The following VRK2 variants were observed in gnomAD, a reference collection of about 807,000 sequenced individuals.
VRK2 encodes VRK serine/threonine kinase 2, also known as serine/threonine-protein kinase VRK2.
In VRK2, 60 loss-of-function variants were observed where a neutral mutation model predicts 57.6. The observed-to-expected ratio is 1.04, with a 90% CI of 0.85 to 1.29. The LOEUF is 1.29. VRK2 is among the 50% of genes most tolerant of loss of function. The pLI is 0.00. For synonymous variants in VRK2, 231 were observed against 199.2 expected (o/e 1.16, Z -1.35); for missense variants, 705 against 588.1 (o/e 1.20, Z -2.06).
At chr2:57,991,742 T>A (rs1672772963) in intron 1 of VRK2, among the ~76,000 whole-genome samples, 2 of 149,416 alleles carry the variant, frequency 1.3e-5, no homozygotes, top group South Asian at 4.2e-4. Context: ...GAGGTCTAGA[T>A]CGAGACTATC....
chr2:58,065,460 G>GT (rs1310959231), intron 2 of VRK2, among the ~76,000 whole-genome samples: 1 of 152,040 alleles, frequency 6.6e-6, no homozygotes, highest in Non-Finnish European at 1.5e-5. Context: ...TGTGTCAGCA[G>GT]TTTTTTATTG....
chr2:58,156,947 T>C (rs1216309201), intron 12 of VRK2, among the ~76,000 whole-genome samples: 8 of 152,206 alleles, frequency 5.3e-5, no homozygotes. Context: ...GTCTTTAGAC[T>C]CCAGATTTTA....
intron 4 of VRK2, among the ~76,000 whole-genome samples, chr2:58,085,416 G>C (rs1011919365): frequency 1.3e-5 from 2 of 151,972 alleles, no homozygotes; most frequent in African/African-American, 4.8e-5. Flanking sequence ...GAAAATGTTA[G>C]AAACTTGAAT....
At chr2:58,157,242 A>C (rs1365332049) in intron 12 of VRK2, among the ~76,000 whole-genome samples, 4 of 152,050 alleles carry the variant, frequency 2.6e-5, no homozygotes, top group Non-Finnish European at 1.5e-5. Flanking sequence ...GCCAGAGTGG[A>C]AGTAGTGTTG....
intron 10 of VRK2, among the ~76,000 whole-genome samples, chr2:58,137,104 TATAA>T (rs1238976721): frequency 2.5e-4 from 29 of 115,364 alleles, no homozygotes; most frequent in Non-Finnish European, 3.3e-4. Flanking sequence ...ATATCATATA[TATAA>T]CATATATCAT....
chr2:58,091,111 A>C (rs1672313659), intron 7 of VRK2, among the ~76,000 whole-genome samples: 1 of 152,194 alleles, frequency 6.6e-6, no homozygotes, highest in African/African-American at 2.4e-5. Flanking sequence ...CAGTGAAACT[A>C]TTCTGCATGA....
intron 1 of VRK2, among the ~76,000 whole-genome samples, chr2:57,909,258 A>T (rs1180301704): frequency 6.6e-6 from 1 of 152,210 alleles, no homozygotes; most frequent in Non-Finnish European, 1.5e-5. Context: ...AACTATCACC[A>T]GTCCAATATT....
intron 1 of VRK2, among the ~76,000 whole-genome samples, chr2:57,974,226 T>A (rs1672178836): frequency 6.6e-6 from 1 of 151,950 alleles, no homozygotes; most frequent in East Asian, 1.9e-4. Context: ...AAAGAAAAAC[T>A]GATAAAGCTT....
In VRK2 at chr2:58,117,340, G is replaced by A. The variant is rs561533379; in HGVS notation, c.544-5761G>A. ...TAAATTGCTGGGCAGGTTGGGGAGG[G>A]CTAGTCACAGAAGGAAACTGTAAGC... is the stretch of plus-strand genomic sequence containing the variant. On this transcript the variant is annotated intron_variant, in intron 7 of 12. Coordinates refer to ENST00000340157, the MANE Select transcript of VRK2 (RefSeq NM_006296.7). Among the ~76,000 whole-genome samples, 3 of 152,218 alleles carry A rather than the reference G, an allele frequency of 2.0e-5. No individual in the cohort carries two copies. In the East Asian group the frequency reaches 5.8e-4, roughly 29 times the overall value.
At chr2:57,984,839 T>C (rs1672545777) in intron 1 of VRK2, among the ~76,000 whole-genome samples, 1 of 152,044 alleles carries the variant, frequency 6.6e-6, no homozygotes, top group African/African-American at 2.4e-5. Context: ...TTAAAATTAT[T>C]AAAAGGGATC....
Position 57,952,830 on chromosome 2 carries a change from G to A in VRK2, c.-439+44991G>A, listed in dbSNP as rs377307329. Reference sequence around the variant, plus strand: ...CCCAAGACTTCTGGGTGAAAGCCAGGGCCATCTCCACTGAAACCTAAAGTC... The same window carrying A: ...CCCAAGACTTCTGGGTGAAAGCCAGAGCCATCTCCACTGAAACCTAAAGTC... On this transcript the variant is annotated intron_variant, in intron 1 of 15. Coordinates refer to the VRK2 transcript ENST00000417641. Among the ~76,000 whole-genome samples, 78 of 152,024 alleles carry A rather than the reference G, an allele frequency of 5.1e-4. 1 individual carries two copies. The highest frequency in any genetic ancestry group is 1.8e-3 in the African/African-American group (75 of 41,504).
intron 1 of VRK2, among the ~76,000 whole-genome samples, chr2:58,019,963 AAAT>A (rs1185388878): frequency 6.6e-6 from 1 of 152,224 alleles, no homozygotes; most frequent in Non-Finnish European, 1.5e-5. Context: ...TTAAAAATAA[AAAT>A]AAATCTAAAA....
In VRK2 at chr2:58,104,945, A is replaced by G. The variant is rs562279719; in HGVS notation, c.543+15222A>G. On this transcript the variant is annotated intron_variant, in intron 7 of 12. Coordinates refer to ENST00000340157, the MANE Select transcript of VRK2 (RefSeq NM_006296.7). ...AGTGATTGTTGATAGAGTCAACAAA[A>G]ATGCACACTGGGGAAAGGACACCCT... Among the ~76,000 whole-genome samples the G allele has an allele frequency of 2.6e-5, 4 of 152,090 alleles. 1 individual carries two copies. Among genetic ancestry groups the G allele is most frequent in the African/African-American group, 9.6e-5 (4 of 41,544 alleles).
At chr2:58,032,194 T>C (rs142304989) in intron 2 of VRK2, among the ~76,000 whole-genome samples, 1 of 152,280 alleles carries the variant, frequency 6.6e-6, no homozygotes, top group Non-Finnish European at 1.5e-5. Context: ...TTTTTACTCA[T>C]ACTTAATGTT....
Position 58,146,310 on chromosome 2 carries a change from C to G in VRK2, c.1024-6C>G. On this transcript the variant is annotated splice_polypyrimidine_tract_variant and splice_region_variant and intron_variant, in intron 11 of 12. Coordinates refer to ENST00000340157, the MANE Select transcript of VRK2 (RefSeq NM_006296.7). The stretch of plus-strand genomic sequence containing the variant: ...TTATATATTATTACTTACTCTATAC[C>G]AACAGGTTGATTCACAAAAGGCTGC... 1 of 1,603,782 alleles carries G rather than the reference C, an allele frequency of 6.2e-7. No homozygotes were observed. Among genetic ancestry groups the G allele is most frequent in the South Asian group, 1.1e-5 (1 of 89,644 alleles).
intron 1 of VRK2, among the ~76,000 whole-genome samples, chr2:57,970,933 G>A (rs181650786): frequency 6.6e-6 from 1 of 150,894 alleles, no homozygotes; most frequent in Admixed American, 6.6e-5. Context: ...TGTTTTTCTT[G>A]CTATTTATTT....
chr2:58,007,889 A>T (rs963480906), intron 1 of VRK2, among the ~76,000 whole-genome samples: 2 of 152,182 alleles, frequency 1.3e-5, no homozygotes, highest in African/African-American at 4.8e-5. Context: ...TGCCTCCAAG[A>T]ACATAACCTC....
intron 12 of VRK2, among the ~76,000 whole-genome samples, chr2:58,150,942 CTTT>C (rs147963036): frequency 0.022 from 3,323 of 151,466 alleles, 138 homozygotes; most frequent in African/African-American, 0.076. Flanking sequence ...TACTGGGTAT[CTTT>C]TTTGTTATTG....
chr2:58,134,723 G>A (rs1679754740), intron 9 of VRK2, among the ~76,000 whole-genome samples: 1 of 151,534 alleles, frequency 6.6e-6, no homozygotes, highest in South Asian at 2.1e-4. Context: ...TTCCTACACA[G>A]CTGTCTATTC....
Sources: gnomAD v4.1 joint callset for allele counts (sites outside exome capture counted in the v4.1 genomes callset) on GRCh38, gnomAD v4.1.1 for gene constraint, MANE v1.5 for transcripts, NCBI Gene and HGNC (gene_info 2026-07-23, HGNC 2026-07-21) for gene names.